The following FRMD3 variants were observed in gnomAD, a reference collection of about 807,000 sequenced individuals.
The protein encoded by FRMD3 is FERM domain-containing protein 3.
FRMD3 carries 33 observed loss-of-function variants against 70.2 expected under a neutral mutation model. That is an observed-to-expected ratio of 0.47 (90% CI 0.36 to 0.63). The LOEUF is 0.63. Among genes scored for constraint, FRMD3 ranks in the 20% least tolerant of loss-of-function variants. The pLI, the probability that FRMD3 is intolerant of heterozygous loss-of-function variation, is 0.00. For synonymous variants in FRMD3, 279 were observed against 255.9 expected, an observed-to-expected ratio of 1.09 and a Z score of -0.86; for missense variants, 632 against 711.4, an observed-to-expected ratio of 0.89 and a Z score of 1.27.
At chr9:83,260,552 T>C (rs751749406) in intron 13 of FRMD3, among the ~76,000 whole-genome samples, 1 of 152,158 alleles carries the variant, frequency 6.6e-6, no homozygotes, top group Non-Finnish European at 1.5e-5. Context: ...AGTGTCAGTA[T>C]GGCAGTATTG....
At chr9:83,389,092 C>T (rs1045629305) in intron 2 of FRMD3, among the ~76,000 whole-genome samples, 12 of 151,998 alleles carry the variant, frequency 7.9e-5, no homozygotes, top group African/African-American at 2.9e-4. Flanking sequence ...TGATGACAGG[C>T]ACATGCCACC....
chr9:83,537,936 C>A lies in FRMD3; in HGVS notation c.147+149G>T. 1.1e-6 allele frequency: 1 copy of A among 878,002 alleles called. No individual in the cohort carries two copies. The highest frequency in any genetic ancestry group is 1.7e-6 in the Non-Finnish European group (1 of 587,000). The allele number at this position is 878,002 out of a possible 1,614,324, so 54.4% of individuals were successfully genotyped here. ...CCATGCCAGGATAAGGCCCCCCACCCTCAGAGGCCTGAGGAATCGAAATCT... is the reference window on the plus strand; with the variant it reads ...CCATGCCAGGATAAGGCCCCCCACCATCAGAGGCCTGAGGAATCGAAATCT... On this transcript the variant is annotated intron_variant, in intron 1 of 13. Coordinates refer to ENST00000304195, the MANE Select transcript of FRMD3 (RefSeq NM_174938.6). The surrounding 1 kb of genome is among the most constrained non-coding windows in gnomAD (Gnocchi z 4.1).
At chr9:83,528,420 T>G (rs1022914675) in intron 1 of FRMD3, among the ~76,000 whole-genome samples, 1 of 152,202 alleles carries the variant, frequency 6.6e-6, no homozygotes, top group Non-Finnish European at 1.5e-5. Flanking sequence ...CACTTGTAAC[T>G]TATGATCTTG....
chr9:83,465,039 AG>A (rs199867859), intron 1 of FRMD3, among the ~76,000 whole-genome samples: 1,047 of 17,916 alleles, frequency 0.058, 16 homozygotes, highest in African/African-American at 0.25. Flanking sequence ...AAAAAAAAAA[AG>A]AAGAAGAAGC....
intron 1 of FRMD3, among the ~76,000 whole-genome samples, chr9:83,453,805 T>C (rs1018695401): frequency 4.8e-5 from 7 of 147,358 alleles, no homozygotes; most frequent in Non-Finnish European, 8.9e-5. Context: ...AAGCTCTGCC[T>C]CCCAGGTTCA....
chr9:83,554,841 C>A, the FRMD3 span, among the ~76,000 whole-genome samples: 1 of 152,248 alleles, frequency 6.6e-6, no homozygotes, highest in African/African-American at 2.4e-5. Context: ...ATCAGGCACC[C>A]ACGTCACAGT....
chr9:83,384,103 A>T (rs1825440075), intron 2 of FRMD3, among the ~76,000 whole-genome samples: 1 of 152,190 alleles, frequency 6.6e-6, no homozygotes, highest in Admixed American at 6.5e-5. Flanking sequence ...CTTTCCCACA[A>T]AGCCAAGTTA....
intron 1 of FRMD3, among the ~76,000 whole-genome samples, chr9:83,505,624 T>C (rs553782916): frequency 7.2e-5 from 11 of 152,258 alleles, no homozygotes; most frequent in Admixed American, 3.9e-4. Flanking sequence ...GCACAACAAC[T>C]GTGTTTCCAA....
At chr9:83,558,277 TGC>T in the FRMD3 span, among the ~76,000 whole-genome samples, 21 of 151,984 alleles carry the variant, frequency 1.4e-4, no homozygotes, top group African/African-American at 2.7e-4. Flanking sequence ...TGTGTGTGTG[TGC>T]GCGCGCGCAC....
intron 13 of FRMD3, among the ~76,000 whole-genome samples, chr9:83,271,642 T>G (rs1047826202): frequency 1.3e-5 from 2 of 152,190 alleles, no homozygotes; most frequent in African/African-American, 4.8e-5. Context: ...TATGATAACT[T>G]ACATGAACAA....
At chr9:83,414,713 A>G (rs1270052992) in intron 1 of FRMD3, among the ~76,000 whole-genome samples, 1 of 152,334 alleles carries the variant, frequency 6.6e-6, no homozygotes, top group Non-Finnish European at 1.5e-5. Context: ...TAGCTATCCA[A>G]TTGGCTGATA....
At chr9:83,543,158 G>A (rs966646828), upstream of FRMD3, among the ~76,000 whole-genome samples, 1 of 151,864 alleles carries the variant, frequency 6.6e-6, no homozygotes, top group African/African-American at 2.4e-5. Flanking sequence ...CCCCAAAAAA[G>A]AAGAACCAAA....
At chr9:83,477,757 T>C (rs1229286443) in intron 1 of FRMD3, among the ~76,000 whole-genome samples, 1 of 152,140 alleles carries the variant, frequency 6.6e-6, no homozygotes, top group East Asian at 1.9e-4. Context: ...AATTGACTAA[T>C]TGACTGAATC....
chr9:83,425,299 G>A (rs189069929), intron 1 of FRMD3, among the ~76,000 whole-genome samples: 1 of 152,178 alleles, frequency 6.6e-6, no homozygotes, highest in Non-Finnish European at 1.5e-5. Flanking sequence ...TCCCCTGCAT[G>A]AGAATTAGCA....
chr9:83,554,779 C>T, the FRMD3 span, among the ~76,000 whole-genome samples: 3 of 152,170 alleles, frequency 2.0e-5, no homozygotes, highest in African/African-American at 4.8e-5. Context: ...GCTCTGGTGG[C>T]AGGTGGCTGG....
At chr9:83,330,341 A>G (rs962597987) in intron 6 of FRMD3, among the ~76,000 whole-genome samples, 24 of 151,536 alleles carry the variant, frequency 1.6e-4, no homozygotes, top group Admixed American at 1.1e-3. Flanking sequence ...AAAAAAACAA[A>G]AAAAACAGAG....
intron 3 of FRMD3, among the ~76,000 whole-genome samples, chr9:83,351,336 A>ACACACACACG (rs1824150507): frequency 6.6e-6 from 1 of 151,724 alleles, no homozygotes; most frequent in African/African-American, 2.4e-5. Flanking sequence ...ACACACACAC[A>ACACACACACG]CACACACACA....
intron 1 of FRMD3, among the ~76,000 whole-genome samples, chr9:83,491,198 C>T (rs768343244): frequency 1.3e-5 from 2 of 152,092 alleles, no homozygotes; most frequent in Non-Finnish European, 2.9e-5. Flanking sequence ...ACCTCAACTA[C>T]GACATTTGAG....
At chr9:83,332,198 T>C (rs1308616473) in intron 6 of FRMD3, among the ~76,000 whole-genome samples, 3 of 152,312 alleles carry the variant, frequency 2.0e-5, no homozygotes, top group African/African-American at 7.2e-5. Context: ...CATGCTACTA[T>C]ATTTGCAAGA....
Sources: gnomAD v4.1 joint callset for allele counts (sites outside exome capture counted in the v4.1 genomes callset) on GRCh38, gnomAD v4.1.1 for gene constraint, Gnocchi (gnomAD v3.1) non-coding constraint, MANE v1.5 for transcripts, NCBI Gene and HGNC (gene_info 2026-07-23, HGNC 2026-07-21) for gene names.